The following NRXN1 variants were observed in gnomAD, a reference collection of about 807,000 sequenced individuals.
NRXN1 encodes neurexin 1, also known as neurexin-1.
Under a neutral mutation model 150.9 loss-of-function variants are expected in NRXN1, and 39 were observed. The observed-to-expected ratio is 0.26, with a 90% CI of 0.20 to 0.34. The LOEUF (loss-of-function observed/expected upper bound fraction) is 0.34. NRXN1 is among the 10% of genes least tolerant of loss of function. The probability of loss-of-function intolerance (pLI) is 1.00; values close to 1 mark genes in which losing one functional copy is unlikely to be tolerated. For synonymous variants in NRXN1, 924 were observed against 757.0 expected (o/e 1.22, Z -3.62); for missense variants, 1,815 against 1,949.9 (o/e 0.93, Z 1.30).
intron 5 of NRXN1, among the ~76,000 whole-genome samples, chr2:50,681,720 G>A (rs1262664234): frequency 4.6e-5 from 7 of 152,090 alleles, no homozygotes; most frequent in Non-Finnish European, 8.8e-5. Flanking sequence ...TTGCTTTGTT[G>A]AACTATTTGA....
At chr2:50,041,108 C>T (rs1211804424) in intron 21 of NRXN1, among the ~76,000 whole-genome samples, 1 of 152,124 alleles carries the variant, frequency 6.6e-6, no homozygotes, top group Admixed American at 6.6e-5. Flanking sequence ...AAATAAGCCA[C>T]ATAGCAAGAA....
rs1691989720 is a variant in NRXN1, at chr2:50,047,440, T to C, written c.4128+5831A>G. On this transcript the variant is annotated intron_variant, in intron 21 of 22. Coordinates refer to ENST00000401669, the MANE Select transcript of NRXN1 (RefSeq NM_001330078.2). ...CCAGAGGACCACAGAGGCCAGGTCC[T>C]TCTAGAGGTTAGGAGCAGGTAAAGT... Among the ~76,000 whole-genome samples the C allele has an allele frequency of 2.0e-5, 3 of 152,090 alleles. No individual in the cohort carries two copies. In the South Asian group the frequency reaches 6.2e-4, roughly 32 times the overall value.
rs144813457 is a variant in NRXN1 at position 50,553,954 on chromosome 2, G to C, written c.1321-929C>G. Reference sequence around the variant, plus strand: ...AGGTATTTTGACATAAGGATAAAGAGAGAAGGACACCTTTTCTCTACAAAA... The same window carrying C: ...AGGTATTTTGACATAAGGATAAAGACAGAAGGACACCTTTTCTCTACAAAA... On this transcript the variant is annotated intron_variant, in intron 8 of 22. Coordinates refer to ENST00000401669, the MANE Select transcript of NRXN1 (RefSeq NM_001330078.2). Among the ~76,000 whole-genome samples the C allele has an allele frequency of 2.1e-3, 321 of 152,262 alleles. 3 individuals are homozygous for C. The highest frequency in any genetic ancestry group is 7.4e-3 in the African/African-American group (308 of 41,542).
intron 5 of NRXN1, among the ~76,000 whole-genome samples, chr2:50,838,948 G>A (rs1486338977): frequency 2.0e-5 from 3 of 152,048 alleles, no homozygotes; most frequent in East Asian, 1.9e-4. Flanking sequence ...AAACACTGAG[G>A]TGAAAAAAGG....
chr2:50,912,957 C>T (rs1265973374), intron 5 of NRXN1: 1 of 151,718 alleles, frequency 6.6e-6, no homozygotes, highest in Non-Finnish European at 1.5e-5. Flanking sequence ...AGTGCAAATC[C>T]AACTGCTCTT....
intron 8 of NRXN1, among the ~76,000 whole-genome samples, chr2:50,597,915 A>G (rs1675501421): frequency 6.6e-6 from 1 of 152,044 alleles, no homozygotes; most frequent in African/African-American, 2.4e-5. Context: ...GAGGCAGGCC[A>G]ATTACCTGAG....
intron 5 of NRXN1, among the ~76,000 whole-genome samples, chr2:50,849,199 T>A (rs1380251018): frequency 1.3e-5 from 2 of 152,218 alleles, no homozygotes; most frequent in African/African-American, 4.8e-5. Flanking sequence ...CAAGAAGGTC[T>A]TAACCTTCCC....
Position 50,065,712 on chromosome 2 carries a change from T to C in NRXN1, c.3719-10668A>G, listed in dbSNP as rs554490121. Among the ~76,000 whole-genome samples, 258 of 152,296 alleles carry C rather than the reference T, an allele frequency of 1.7e-3. 1 individual carries two copies. Among genetic ancestry groups the C allele is most frequent in the Non-Finnish European group, 2.3e-3 (159 of 68,016 alleles). ...AATGATGCCTTGTATGCATAGCTAC[T>C]GGAGGCATAAAATGTTCCAGACATT... On this transcript the variant is annotated intron_variant, in intron 19 of 22. Coordinates refer to ENST00000401669, the MANE Select transcript of NRXN1 (RefSeq NM_001330078.2).
intron 17 of NRXN1, among the ~76,000 whole-genome samples, chr2:50,397,950 C>T (rs1471242239): frequency 1.3e-5 from 2 of 152,040 alleles, no homozygotes; most frequent in African/African-American, 4.8e-5. Context: ...TTCTTAAATA[C>T]ATTTGGACAC....
intron 5 of NRXN1, among the ~76,000 whole-genome samples, chr2:50,803,446 C>T (rs1438408184): frequency 1.3e-5 from 2 of 152,170 alleles, no homozygotes; most frequent in African/African-American, 2.4e-5. Context: ...CTCATAATCT[C>T]TCTAGTAAGT....
At chr2:50,907,533 T>C (rs1040996653) in intron 5 of NRXN1, among the ~76,000 whole-genome samples, 6 of 152,130 alleles carry the variant, frequency 3.9e-5, no homozygotes, top group Admixed American at 2.6e-4. Context: ...AAGATGTTAA[T>C]TACGTTTGCT....
At chr2:50,236,120 A>T (rs2065393509) in intron 18 of NRXN1, among the ~76,000 whole-genome samples, 1 of 152,066 alleles carries the variant, frequency 6.6e-6, no homozygotes, top group African/African-American at 2.4e-5. Context: ...GAAGTTTTTC[A>T]TTCATGACTA....
At chr2:50,967,230 A>G (rs1189736361) in intron 2 of NRXN1, among the ~76,000 whole-genome samples, 2 of 152,002 alleles carry the variant, frequency 1.3e-5, no homozygotes, top group Non-Finnish European at 2.9e-5. Context: ...AAAGACATAA[A>G]ACACTTACAT....
At chr2:50,469,502 G>A (rs937131967) in intron 16 of NRXN1, among the ~76,000 whole-genome samples, 2 of 151,488 alleles carry the variant, frequency 1.3e-5, no homozygotes, top group East Asian at 3.9e-4. Flanking sequence ...TCAATATGGA[G>A]CCTAAGTGAT....
At chr2:50,048,600 A>G (rs1006104159) in intron 21 of NRXN1, among the ~76,000 whole-genome samples, 2 of 152,182 alleles carry the variant, frequency 1.3e-5, no homozygotes, top group Admixed American at 6.6e-5. Flanking sequence ...CAAGCAAGCA[A>G]CAGAAGTGTC....
At chr2:50,409,985 C>T (rs2083027471) in intron 17 of NRXN1, among the ~76,000 whole-genome samples, 1 of 152,176 alleles carries the variant, frequency 6.6e-6, no homozygotes. Flanking sequence ...AAATGTCTCT[C>T]TGATCTCATG....
chr2:50,027,529 A>T (rs181646255), intron 21 of NRXN1, among the ~76,000 whole-genome samples: 3 of 151,886 alleles, frequency 2.0e-5, no homozygotes, highest in Admixed American at 1.3e-4. Context: ...TGGAGACTTG[A>T]CCTCCGTGGC....
chr2:50,980,993 A>G (rs1696693882), intron 2 of NRXN1, among the ~76,000 whole-genome samples: 1 of 152,104 alleles, frequency 6.6e-6, no homozygotes, highest in Non-Finnish European at 1.5e-5. Flanking sequence ...GAGAGCTACT[A>G]TGGCATTAAA....
At chr2:50,084,223 G>C (rs549919978) in intron 19 of NRXN1, among the ~76,000 whole-genome samples, 1 of 152,180 alleles carries the variant, frequency 6.6e-6, no homozygotes, top group African/African-American at 2.4e-5. Flanking sequence ...CTGCCAGTCC[G>C]GCGCCATGCC....
Sources: allele counts gnomAD v4.1 joint callset (sites outside exome capture counted in the v4.1 genomes callset), GRCh38; gene constraint gnomAD v4.1.1; transcripts MANE v1.5; gene names NCBI Gene and HGNC (gene_info 2026-07-23, HGNC 2026-07-21).